SBNO1: variants seen among roughly 807,000 people sequenced by gnomAD.
SBNO1 encodes strawberry notch homolog 1.
SBNO1 carries 23 observed loss-of-function variants against 173.6 expected under a neutral mutation model. That is an observed-to-expected ratio of 0.13 (90% CI 0.10 to 0.19). The LOEUF (loss-of-function observed/expected upper bound fraction) is 0.19, where lower values mean the gene tolerates loss of function less well. Among genes scored for constraint, SBNO1 ranks in the 10% least tolerant of loss-of-function variants. SBNO1 has a pLI of 1.00. For missense variants in SBNO1, 1,238 were observed against 1,671.2 expected (o/e 0.74, Z 4.52); for synonymous variants, 632 against 571.5 (o/e 1.11, Z -1.51).
intron 23 of SBNO1, 152 bp downstream of exon 23, chr12:123,315,221 T>C (rs1269797734): frequency 4.0e-5 from 25 of 619,212 alleles, no homozygotes; most frequent in Non-Finnish European, 6.3e-5. Context: ...CTAACATACA[T>C]GTGAAATTCT....
rs538324114 is a variant in SBNO1 at position 123,294,282 on chromosome 12, T to C, written c.*1626A>G. On this transcript the variant is annotated 3_prime_UTR_variant, in exon 32 of 32. Coordinates refer to ENST00000602398, the MANE Select transcript of SBNO1 (RefSeq NM_001167856.3). ...GAACGCCCTAAGCTTTCAGCCAGGT[T>C]TGTCAGTTTTAACACACATCTCACC... The C allele has an allele frequency of 3.6e-4, 55 of 152,298 alleles. No individual in the cohort carries two copies. Among genetic ancestry groups the C allele is most frequent in the African/African-American group, 1.3e-3 (54 of 41,562 alleles). The allele number at this position is 152,298 out of a possible 1,614,324, so 9.4% of individuals were successfully genotyped here.
intron 9 of SBNO1, among the ~76,000 whole-genome samples, chr12:123,329,971 C>A (rs945303413): frequency 1.3e-5 from 2 of 152,190 alleles, no homozygotes; most frequent in Admixed American, 1.3e-4. Flanking sequence ...ATGAGTAACT[C>A]AAGTCCATTA....
Position 123,325,603 on chromosome 12 carries a change from G to A in SBNO1, c.1876-4C>T, listed in dbSNP as rs747480941. The stretch of plus-strand genomic sequence containing the variant: ...ACTGCAGACCAATTACAACACACTG[G>A]AGAAAAAAGAAAACATGTTAATTAT... On this transcript the variant is annotated splice_region_variant and splice_polypyrimidine_tract_variant and intron_variant, in intron 14 of 31. Coordinates refer to ENST00000602398, the MANE Select transcript of SBNO1 (RefSeq NM_001167856.3). 6 of 1,565,804 alleles carry A rather than the reference G, an allele frequency of 3.8e-6. No individual in the cohort carries two copies. In the South Asian group the frequency reaches 4.6e-5, roughly 12 times the overall value.
intron 19 of SBNO1, 127 bp from the exon 20 acceptor site, chr12:123,320,158 A>G: frequency 9.2e-7 from 1 of 1,081,830 alleles, no homozygotes; most frequent in South Asian, 1.5e-5. Flanking sequence ...ACTGAAGGAT[A>G]CAGAACACTG....
At chr12:123,318,098 A>T (rs1328960676) in intron 20 of SBNO1, among the ~76,000 whole-genome samples, 2 of 152,146 alleles carry the variant, frequency 1.3e-5, no homozygotes, top group African/African-American at 2.4e-5. Context: ...AGTAGCTGGG[A>T]CTGTGGGCAT....
chr12:123,348,828 C>T (rs779529656), intron 2 of SBNO1, among the ~76,000 whole-genome samples: 3 of 151,660 alleles, frequency 2.0e-5, no homozygotes, highest in East Asian at 3.9e-4. Context: ...GGCTTGGCGG[C>T]GGCCCCCTGT....
At chr12:123,332,033 A>G (rs1409539022) in intron 7 of SBNO1, among the ~76,000 whole-genome samples, 2 of 148,462 alleles carry the variant, frequency 1.3e-5, no homozygotes, top group African/African-American at 2.5e-5. Context: ...TTGTATTTTT[A>G]GTAGACAGGG....
intron 20 of SBNO1, among the ~76,000 whole-genome samples, chr12:123,318,595 T>C (rs1869578257): frequency 6.6e-6 from 1 of 151,930 alleles, no homozygotes; most frequent in African/African-American, 2.4e-5. Flanking sequence ...TAGCCAGGCG[T>C]GGTGGCGCGT....
rs1870536027 is a variant in SBNO1 at position 123,325,715 on chromosome 12, A to G, written c.1876-116T>C. The G allele has an allele frequency of 9.4e-6, 7 of 745,716 alleles. No individual in the cohort carries two copies. In the South Asian group the frequency reaches 1.2e-4, roughly 13 times the overall value. 46.2% of individuals were successfully genotyped at this position (745,716 alleles called of 1,614,324 possible). On this transcript the variant is annotated intron_variant, in intron 14 of 31. Transcript: ENST00000602398. ...TTCAAACAAGAATGTCCTCATTATT[A>G]TAAAACACAAATTTGTTTTACTTAT... is the stretch of plus-strand genomic sequence containing the variant.
rs2048524012 is a variant in SBNO1, at chr12:123,292,328, G to C, written c.*3580C>G. 6.6e-6 allele frequency: 1 copy of C among 152,180 alleles called. No individual in the cohort carries two copies. Among genetic ancestry groups the C allele is most frequent in the African/African-American group, 2.4e-5 (1 of 41,440 alleles). The allele number at this position is 152,180 out of a possible 1,614,324, so 9.4% of individuals were successfully genotyped here. A position where few individuals can be genotyped will look rare whatever the true frequency, so the allele number is the denominator to read the frequency against. ...ACATGTGTATGGGGACCTTCCTCTTGACTGCTTGTCAAGAAAAGGATCCAG... is the reference window on the plus strand; with the variant it reads ...ACATGTGTATGGGGACCTTCCTCTTCACTGCTTGTCAAGAAAAGGATCCAG... On this transcript the variant is annotated 3_prime_UTR_variant, in exon 32 of 32. Coordinates refer to ENST00000602398, the MANE Select transcript of SBNO1 (RefSeq NM_001167856.3).
intron 5 of SBNO1, among the ~76,000 whole-genome samples, chr12:123,340,646 A>G (rs543460137): frequency 3.3e-5 from 5 of 151,420 alleles, no homozygotes; most frequent in African/African-American, 1.2e-4. Context: ...CTGTCAATGC[A>G]TTATGAGCTT....
intron 1 of SBNO1, among the ~76,000 whole-genome samples, chr12:123,359,888 G>A (rs892700756): frequency 6.6e-6 from 1 of 152,150 alleles, no homozygotes; most frequent in East Asian, 1.9e-4. Flanking sequence ...AAAAACTTTA[G>A]GATTACATCA....
At chr12:123,363,945 G>A (rs1225994253) in intron 1 of SBNO1, 35 of 985,362 alleles carry the variant, frequency 3.6e-5, no homozygotes, top group African/African-American at 7.0e-5. Flanking sequence ...CCACTTCTGG[G>A]AAACCACCGG....
At chr12:123,302,745 C>T (rs756965783) in intron 30 of SBNO1, 79 bp downstream of exon 30, 12 of 867,764 alleles carry the variant, frequency 1.4e-5, no homozygotes, top group Non-Finnish European at 2.2e-5. Context: ...TTCATGAGGA[C>T]ATACTGATAA....
At chr12:123,306,773 C>T (rs2048925217) in intron 28 of SBNO1, among the ~76,000 whole-genome samples, 1 of 151,888 alleles carries the variant, frequency 6.6e-6, no homozygotes, top group Non-Finnish European at 1.5e-5. Context: ...TGATATTACA[C>T]TACAGTTTTA....
chr12:123,317,370 A>T lies in SBNO1; in HGVS notation c.2800-14T>A. The T allele has an allele frequency of 6.2e-7, 1 of 1,613,142 alleles. No individual in the cohort carries two copies. Among genetic ancestry groups the T allele is most frequent in the Non-Finnish European group, 8.5e-7 (1 of 1,179,512 alleles). Reference sequence around the variant, plus strand: ...GATAGCAATATTCTGTGTCAAATATAAGAAAAATAAAGTCACTTTTGCATA... The same window carrying T: ...GATAGCAATATTCTGTGTCAAATATTAGAAAAATAAAGTCACTTTTGCATA... On this transcript the variant is annotated splice_polypyrimidine_tract_variant and intron_variant, in intron 20 of 31. Coordinates refer to ENST00000602398, the MANE Select transcript of SBNO1 (RefSeq NM_001167856.3).
intron 1 of SBNO1, among the ~76,000 whole-genome samples, chr12:123,352,589 G>A (rs576361244): frequency 4.6e-5 from 7 of 152,268 alleles, no homozygotes; most frequent in Non-Finnish European, 8.8e-5. Context: ...CACTGTGCCC[G>A]GCCTGAGCAT....
intron 7 of SBNO1, among the ~76,000 whole-genome samples, chr12:123,331,755 C>T (rs1394779141): frequency 6.6e-6 from 1 of 152,122 alleles, no homozygotes; most frequent in Non-Finnish European, 1.5e-5. Context: ...CTCCTGACCT[C>T]GTGATCCGCC....
chr12:123,330,341 T>C (rs945470776), intron 9 of SBNO1, 78 bp downstream of exon 9: 4 of 869,218 alleles, frequency 4.6e-6, no homozygotes, highest in African/African-American at 3.3e-5. Flanking sequence ...TCCCCTTATA[T>C]ACATAGCTAT....
Sources: gnomAD v4.1 joint callset for allele counts (sites outside exome capture counted in the v4.1 genomes callset) on GRCh38, gnomAD v4.1.1 for gene constraint, MANE v1.5 for transcripts, NCBI Gene and HGNC (gene_info 2026-07-23, HGNC 2026-07-21) for gene names.